The following SETD1B variants were observed in gnomAD, a reference collection of about 807,000 sequenced individuals.
SETD1B encodes the protein SET domain containing 1B, histone lysine methyltransferase, also known as histone-lysine N-methyltransferase SETD1B.
In SETD1B, 7 loss-of-function variants were observed where a neutral mutation model predicts 148.0. The ratio of observed to expected loss-of-function variants is 0.05; its 90% CI spans 0.03 to 0.09. SETD1B has a LOEUF of 0.09. Ranked by LOEUF, SETD1B falls within the 10% of genes least tolerant of loss-of-function variation. The pLI is 1.00. For synonymous variants in SETD1B, 1,361 were observed against 1,186.5 expected (o/e 1.15, Z -3.02); for missense variants, 2,155 against 2,729.9 (o/e 0.79, Z 4.69).
chr12:121,796,138 C>T, the SETD1B span: 2 of 152,640 alleles, frequency 1.3e-5, no homozygotes, highest in African/African-American at 2.4e-5. Flanking sequence ...GGCTGGGCCG[C>T]GCTGGGCCCA....
chr12:121,821,711 A>G (rs944274575), intron 11 of SETD1B, among the ~76,000 whole-genome samples: 9 of 152,126 alleles, frequency 5.9e-5, no homozygotes, highest in African/African-American at 2.4e-5. Flanking sequence ...AGATTGTGCC[A>G]TTGCACTCCA....
chr12:121,829,688 A>T (rs1431734620), intron 16 of SETD1B, among the ~76,000 whole-genome samples: 2 of 152,178 alleles, frequency 1.3e-5, no homozygotes, highest in African/African-American at 4.8e-5. Flanking sequence ...TATGCAAATG[A>T]ATGGGAGAAT....
rs993051666 is a variant in SETD1B at position 121,823,453 on chromosome 12, G to A, written c.4874G>A (p.Arg1625His). Reference sequence around the variant, plus strand: ...GCCATTCCTCCGGGCCCCCGTGGGCGCGATGAGGTCACTGAGGAATACATG... The same window carrying A: ...GCCATTCCTCCGGGCCCCCGTGGGCACGATGAGGTCACTGAGGAATACATG... Reference protein sequence around the residue: ...SEAIPPGPRGRDEVTEEYMEL... With the variant: ...SEAIPPGPRGHDEVTEEYMEL... The change falls in exon 12 of 17, where the codon CGC (arginine) becomes CAC (histidine). Residue 1625 changes from arginine (R) to histidine (H), a missense_variant. This residue lies in a region of SETD1B where 862 missense variants were observed against 873.8 expected (regional missense o/e 0.99). Transcript: ENST00000604567. 17 of 1,549,826 alleles carry A rather than the reference G, an allele frequency of 1.1e-5. No individual in the cohort carries two copies. Among genetic ancestry groups the A allele is most frequent in the East Asian group, 2.4e-5 (1 of 40,878 alleles).
chr12:121,825,516 T>TGGGGTTGGGGGGGGG, intron 13 of SETD1B, 150 bp downstream of exon 13: 1 of 315,304 alleles, frequency 3.2e-6, no homozygotes, highest in East Asian at 8.3e-5. Flanking sequence ...GAGAGGCGGG[T>TGGGGTTGGGGGGGGG]GGGCGGGGCC....
chr12:121,805,353 G>A lies in SETD1B; in HGVS notation c.273+137G>A. 1 of 689,324 alleles carries A rather than the reference G, an allele frequency of 1.5e-6. No homozygotes were observed. The highest frequency in any genetic ancestry group is 1.8e-5 in the South Asian group (1 of 55,758). The allele number at this position is 689,324 out of a possible 1,614,324, so 42.7% of individuals were successfully genotyped here. On this transcript the variant is annotated intron_variant, in intron 3 of 16. Transcript: ENST00000604567. The surrounding 1 kb of genome is among the most constrained non-coding windows in gnomAD (Gnocchi z 4.2). ...AGGGAAGTTTTGGCGGGGAGGGGTA[G>A]AGCGCTGGCGAGAGGGTGTCCCCTC...
At chr12:121,793,231 G>C in the SETD1B span, 1 of 1,550,980 alleles carries the variant, frequency 6.4e-7, no homozygotes, top group Non-Finnish European at 8.7e-7. Context: ...ACACCGATGG[G>C]GCGTAGTGCT....
rs1875627008 is a variant in SETD1B at position 121,804,679 on chromosome 12, C to T, written c.-14-45C>T. ...TTTCGCGTGTGTGTAGAAGCGGCCG[C>T]CGCCGCCGCCGCGGCGGAGACGACA... is the stretch of plus-strand genomic sequence containing the variant. On this transcript the variant is annotated intron_variant, in intron 1 of 16. Coordinates refer to ENST00000604567, the MANE Select transcript of SETD1B (RefSeq NM_001353345.2). The surrounding 1 kb of genome is among the most constrained non-coding windows in gnomAD (Gnocchi z 4.6). 7 of 1,518,868 alleles carry T rather than the reference C, an allele frequency of 4.6e-6. No homozygotes were observed. The South Asian group carries it at 4.9e-5, about 11-fold the overall frequency. The allele number at this position is 1,518,868 out of a possible 1,614,324, so 94.1% of individuals were successfully genotyped here.
chr12:121,792,532 C>T, the SETD1B span, among the ~76,000 whole-genome samples: 2 of 152,268 alleles, frequency 1.3e-5, no homozygotes, highest in Admixed American at 6.5e-5. Context: ...ATTTTCTACA[C>T]TGTCTGGTTT....
At position 121,810,620 on chromosome 12, in the gene SETD1B, C is replaced by T. The variant is rs1299928349; in HGVS notation, c.1675C>T (p.Pro559Ser). ...NSQPGFRGPT[P>S]PSSRPSSTGL... ...CCAGCCAGGCTTCCGGGGCCCCACG[C>T]CCCCCTCGTCACGCCCCTCCAGCAC... The change falls in exon 6 of 17, where the codon CCC (proline) becomes TCC (serine). Residue 559 changes from proline to serine, a missense_variant. By Grantham distance (74) the Pro-to-Ser change is moderately conservative. Around this residue, in one of 11 missense-constraint regions of SETD1B, gnomAD observed 295 missense variants for 303.8 expected, o/e 0.97. Transcript: ENST00000604567. This position sits in a 1 kb window ranked among gnomAD's most constrained non-coding sequence, Gnocchi z 7.6. The T allele has an allele frequency of 3.9e-6, 6 of 1,548,056 alleles. No individual in the cohort carries two copies. The highest frequency in any genetic ancestry group is 2.4e-5 in the East Asian group (1 of 40,902).
the SETD1B span, among the ~76,000 whole-genome samples, chr12:121,791,519 A>G: frequency 6.6e-6 from 1 of 152,304 alleles, no homozygotes; most frequent in East Asian, 1.9e-4. Flanking sequence ...TGGGATCCCC[A>G]TGGTGCCAGT....
intron 10 of SETD1B, among the ~76,000 whole-genome samples, chr12:121,818,601 C>A (rs938519299): frequency 6.7e-6 from 1 of 149,744 alleles, no homozygotes; most frequent in Non-Finnish European, 1.5e-5. Flanking sequence ...ACAAAGTGAG[C>A]AGTTTTTGGC....
At chr12:121,828,186 C>T (rs529514030) in intron 16 of SETD1B, 116 bp downstream of exon 16, 2 of 1,386,960 alleles carry the variant, frequency 1.4e-6, no homozygotes, top group Non-Finnish European at 1.9e-6. Flanking sequence ...TTCCCAAGCT[C>T]AGGTTGGCCA....
Position 121,809,962 on chromosome 12 carries a change from GGCCGGGGCCACA to G in SETD1B, c.1022_1033del (p.Gly341_Ala344del). The G allele has an allele frequency of 8.4e-6, 13 of 1,551,060 alleles. No homozygotes were observed. The highest frequency in any genetic ancestry group is 1.0e-5 in the Non-Finnish European group (12 of 1,146,970). ...ACAATTCTCCCGCGGTCACTGCGGTGGCCGGGGCCACAGCCGCTTTCCGGGGTTCCTCGGACC... is the reference window on the plus strand; with the variant it reads ...ACAATTCTCCCGCGGTCACTGCGGTGGCCGCTTTCCGGGGTTCCTCGGACC... On this transcript the variant is annotated inframe_deletion, in exon 6 of 17. Transcript: ENST00000604567.
intron 13 of SETD1B, among the ~76,000 whole-genome samples, chr12:121,827,050 TG>T (rs760188320): frequency 5.3e-5 from 8 of 151,594 alleles, no homozygotes; most frequent in Non-Finnish European, 8.8e-5. Context: ...AGGAGAGAAG[TG>T]GTGACTGAAG....
rs777233930 is a variant in SETD1B, at chr12:121,819,666, G to C, written c.3681G>C (p.Ser1227=). ...ALAPGAPAVD[S]LGMEEEVDIE... is the part of the protein sequence containing the mutation. Reference sequence around the variant, plus strand: ...CCCCGGGGGCACCTGCAGTGGACTCGTTGGGCATGGAAGAGGAGGTGGACA... The same window carrying C: ...CCCCGGGGGCACCTGCAGTGGACTCCTTGGGCATGGAAGAGGAGGTGGACA... Residue 1227 remains serine (S), a synonymous_variant, in exon 11 of 17, where the codon TCG becomes TCC. Coordinates refer to ENST00000604567, the MANE Select transcript of SETD1B (RefSeq NM_001353345.2). The C allele has an allele frequency of 3.2e-6, 5 of 1,551,268 alleles. No homozygotes were observed. In the African/African-American group the frequency reaches 5.5e-5, roughly 17 times the overall value.
At chr12:121,797,618 T>C in the SETD1B span, 1 of 456,460 alleles carries the variant, frequency 2.2e-6, no homozygotes, top group Non-Finnish European at 4.4e-6. Flanking sequence ...GGGGAGAAAC[T>C]GGCTGGAGCC....
upstream of SETD1B, chr12:121,803,854 G>A (rs930638116): frequency 3.9e-5 from 6 of 153,164 alleles, no homozygotes; most frequent in Admixed American, 2.0e-4. This position sits in a 1 kb window ranked among gnomAD's most constrained non-coding sequence, Gnocchi z 4.7. Flanking sequence ...CGCGAGTGAG[G>A]GGTGGGGGGC....
rs1300990232 is a variant in SETD1B, at chr12:121,804,575, T to C, written c.-14-149T>C. ...GTTATTCTCTCGCTCCATTCTTGTT[T>C]TGGGGGGAGCCAGCGAGACAGCTCC... On this transcript the variant is annotated intron_variant, in intron 1 of 16. Transcript: ENST00000604567. This position sits in a 1 kb window ranked among gnomAD's most constrained non-coding sequence, Gnocchi z 4.6. 41 of 636,604 alleles carry C rather than the reference T, an allele frequency of 6.4e-5. No homozygotes were observed. In the East Asian group the frequency reaches 1.2e-3, roughly 18 times the overall value. 39.4% of individuals were successfully genotyped at this position (636,604 alleles called of 1,614,324 possible).
chr12:121,825,492 TG>T, intron 13 of SETD1B, 126 bp downstream of exon 13: 1 of 646,618 alleles, frequency 1.5e-6, no homozygotes. Context: ...ACACAGAGGG[TG>T]CAAGTGGAAG....
Sources: gnomAD v4.1 joint callset for allele counts (sites outside exome capture counted in the v4.1 genomes callset) on GRCh38, gnomAD v4.1.1 for gene constraint, gnomAD v4.1.1 regional missense constraint, Gnocchi (gnomAD v3.1) non-coding constraint, MANE v1.5 for transcripts, NCBI Gene and HGNC (gene_info 2026-07-23, HGNC 2026-07-21) for gene names.